SF3A1: variants seen among roughly 807,000 people sequenced by gnomAD.
SF3A1 encodes SAP 114.
SF3A1 carries 13 observed loss-of-function variants against 89.9 expected under a neutral mutation model. The ratio of observed to expected loss-of-function variants is 0.14; its 90% CI spans 0.09 to 0.23. SF3A1 has a LOEUF of 0.23. SF3A1 is among the 10% of genes least tolerant of loss of function. The pLI, the probability that SF3A1 is intolerant of heterozygous loss-of-function variation, is 1.00. For missense variants in SF3A1, 604 were observed against 1,022.1 expected (o/e 0.59, Z 5.58); for synonymous variants, 405 against 374.4 (o/e 1.08, Z -0.94).
chr22:30,342,741 G>T, intron 5 of SF3A1, 64 bp downstream of exon 5: 1 of 1,063,422 alleles, frequency 9.4e-7, no homozygotes, highest in Non-Finnish European at 1.5e-6. Context: ...CTCAGAGACT[G>T]TTTTCAGACA....
intron 2 of SF3A1, among the ~76,000 whole-genome samples, chr22:30,349,316 C>T (rs778593887): frequency 1.3e-5 from 2 of 152,166 alleles, no homozygotes; most frequent in South Asian, 2.1e-4. Flanking sequence ...AGTCTCGCTC[C>T]GTCACCCAGG....
At chr22:30,336,398 A>C (rs1836790809) in intron 13 of SF3A1, among the ~76,000 whole-genome samples, 1 of 152,154 alleles carries the variant, frequency 6.6e-6, no homozygotes, top group African/African-American at 2.4e-5. Flanking sequence ...TGTGGTGCAC[A>C]CCTGTAATCC....
intron 6 of SF3A1, 132 bp from the exon 7 acceptor site, chr22:30,342,017 C>A: frequency 6.0e-6 from 7 of 1,157,222 alleles, no homozygotes; most frequent in Non-Finnish European, 7.4e-6. Flanking sequence ...TAGGGTCTGG[C>A]AAGTACGTAT....
intron 2 of SF3A1, among the ~76,000 whole-genome samples, chr22:30,351,746 C>T (rs1931601417): frequency 1.3e-5 from 2 of 152,212 alleles, no homozygotes; most frequent in South Asian, 4.1e-4. Context: ...GATCTTCCCA[C>T]CTTGGGCTCC....
intron 11 of SF3A1, 51 bp from the exon 12 acceptor site, chr22:30,337,948 A>G: frequency 2.2e-6 from 3 of 1,353,130 alleles, no homozygotes; most frequent in Non-Finnish European, 3.1e-6. Context: ...TTGGACTCCA[A>G]GGTCACACAC....
At chr22:30,342,955 G>T in intron 4 of SF3A1, 76 bp from the exon 5 acceptor site, 1 of 914,496 alleles carries the variant, frequency 1.1e-6, no homozygotes, top group Non-Finnish European at 1.8e-6. Context: ...CTGGGCCTGT[G>T]ATAAAGCACA....
chr22:30,334,509 C>G lies in SF3A1; in HGVS notation c.*85G>C, dbSNP rs1931007233. The G allele has an allele frequency of 1.2e-6, 1 of 802,270 alleles. No homozygotes were observed. The highest frequency in any genetic ancestry group is 1.9e-5 in the South Asian group (1 of 53,548). 49.7% of individuals were successfully genotyped at this position (802,270 alleles called of 1,614,324 possible). Reference sequence around the variant, plus strand: ...AAACAAATATGCAGGCAAGGCAAAGCCTCAGGGGGGCTCCTGGGTCTGGGG... The same window carrying G: ...AAACAAATATGCAGGCAAGGCAAAGGCTCAGGGGGGCTCCTGGGTCTGGGG... On this transcript the variant is annotated 3_prime_UTR_variant, in exon 16 of 16. Coordinates refer to ENST00000215793, the MANE Select transcript of SF3A1 (RefSeq NM_005877.6).
At chr22:30,347,633 G>A (rs1931459509) in intron 2 of SF3A1, among the ~76,000 whole-genome samples, 1 of 152,142 alleles carries the variant, frequency 6.6e-6, no homozygotes, top group Admixed American at 6.5e-5. Context: ...TATTCAAAGT[G>A]CCACACTTAT....
chr22:30,338,637 TC>T (rs5844903), intron 11 of SF3A1, 151 bp downstream of exon 11: 194,315 of 924,932 alleles, frequency 0.21, 22,233 homozygotes, highest in Middle Eastern at 0.29. Flanking sequence ...AGAGAGAGGT[TC>T]CCACTTGCAT....
At chr22:30,345,662 A>C (rs1235783732) in intron 3 of SF3A1, among the ~76,000 whole-genome samples, 2 of 152,258 alleles carry the variant, frequency 1.3e-5, no homozygotes, top group African/African-American at 4.8e-5. Context: ...CTGAGGTCCT[A>C]GGCCTCATTG....
intron 2 of SF3A1, among the ~76,000 whole-genome samples, chr22:30,350,055 GCT>G (rs1314374049): frequency 6.6e-6 from 1 of 152,124 alleles, no homozygotes; most frequent in Admixed American, 6.6e-5. Flanking sequence ...TTTTAAGGAT[GCT>G]CTTTTAGCCA....
chr22:30,352,503 T>G (rs1931633000), intron 2 of SF3A1: 1 of 157,964 alleles, frequency 6.3e-6, no homozygotes, highest in Non-Finnish European at 1.4e-5. Context: ...CTGAACTGCA[T>G]GCAGCCCCAT....
chr22:30,340,255 A>T lies in SF3A1; in HGVS notation c.1316T>A (p.Leu439Gln). 1.2e-6 allele frequency: 2 copies of T among 1,611,608 alleles called. No individual in the cohort carries two copies. The highest frequency in any genetic ancestry group is 1.7e-6 in the Non-Finnish European group (2 of 1,179,144). ...MRIGLLDPRW[L>Q]EQRDRSIREK... ...ACGGATGGAGCGATCCCGCTGCTCC[A>T]GCCAGCGAGGGTCAAGAAGTCCAAT... Residue 439 changes from leucine (L) to glutamine (Q), a missense_variant, in exon 9 of 16, where the codon CTG becomes CAG. This residue lies in a region of SF3A1 where 146 missense variants were observed against 228.5 expected (regional missense o/e 0.64). Transcript: ENST00000215793.
chr22:30,346,364 G>A lies in SF3A1; in HGVS notation c.341C>T (p.Pro114Leu). Residue 114 changes from proline (P) to leucine (L), a missense_variant, in exon 3 of 16, where the codon CCC becomes CTC. This residue lies in a region of SF3A1 where 162 missense variants were observed against 229.2 expected (regional missense o/e 0.71). Transcript: ENST00000215793. Reference protein sequence around the residue: ...GKAQEPSAAIPKVMQQQQQTT... With the variant: ...GKAQEPSAAILKVMQQQQQTT... ...CTGCTGCTGCTGCTGCATGACCTTG[G>A]GGATGGCGGCGGACGGCTCCTGAGC... 6.2e-7 allele frequency: 1 copy of A among 1,613,974 alleles called. No individual in the cohort carries two copies. The highest frequency in any genetic ancestry group is 2.2e-5 in the East Asian group (1 of 44,886).
chr22:30,335,552 C>G lies in SF3A1; in HGVS notation c.2209-14G>C. ...AATGACAGAGACCTGTGGGATCAAG[C>G]AGCGGTCATTCAACTCCTTGGTAAG... On this transcript the variant is annotated splice_polypyrimidine_tract_variant and intron_variant, in intron 14 of 15. Coordinates refer to ENST00000215793, the MANE Select transcript of SF3A1 (RefSeq NM_005877.6). 1 of 1,614,124 alleles carries G rather than the reference C, an allele frequency of 6.2e-7. No individual in the cohort carries two copies. The highest frequency in any genetic ancestry group is 8.5e-7 in the Non-Finnish European group (1 of 1,179,944).
In SF3A1 at chr22:30,342,823, G is replaced by C. The variant is rs751595924; in HGVS notation, c.708C>G (p.Pro236=). 2 of 1,611,630 alleles carry C rather than the reference G, an allele frequency of 1.2e-6. No individual in the cohort carries two copies. Among genetic ancestry groups the C allele is most frequent in the Non-Finnish European group, 1.7e-6 (2 of 1,178,368 alleles). Residue 236 remains proline (P), a synonymous_variant, in exon 5 of 16, where the codon CCC becomes CCG. Coordinates refer to ENST00000215793, the MANE Select transcript of SF3A1 (RefSeq NM_005877.6). ...AGTTTACCTGATCCAAAACTTCTCG[G>C]GGGTTTTCAGCCTCTTTCTTGAGCT... ...FSKLKKEAEN[P]REVLDQVCYR... is the part of the protein sequence containing the mutation.
rs1307262183 is a variant in SF3A1, at chr22:30,334,169, T to C, written c.*425A>G. The C allele has an allele frequency of 1.2e-5, 2 of 163,962 alleles. No individual in the cohort carries two copies. The highest frequency in any genetic ancestry group is 2.6e-5 in the Non-Finnish European group (2 of 76,300). 10.2% of individuals were successfully genotyped at this position (163,962 alleles called of 1,614,324 possible). ...GCACAGGTGACCGAGACAAGTCTTA[T>C]TTAACTGATTTCACAAGAAGGGTCC... On this transcript the variant is annotated 3_prime_UTR_variant, in exon 16 of 16. Transcript: ENST00000215793.
chr22:30,338,769 C>T lies in SF3A1; in HGVS notation c.1743+20G>A. On this transcript the variant is annotated intron_variant, in intron 11 of 15. Transcript: ENST00000215793. ...AATGAAGCTCTAAAAAAGTCAGTTC[C>T]AGGGTAGATGCTGGCTTACTGTGGG... The T allele has an allele frequency of 6.2e-7, 1 of 1,613,592 alleles. No homozygotes were observed. Among genetic ancestry groups the T allele is most frequent in the Non-Finnish European group, 8.5e-7 (1 of 1,179,908 alleles).
At chr22:30,339,578 A>G (rs1471168951) in intron 9 of SF3A1, among the ~76,000 whole-genome samples, 1 of 152,192 alleles carries the variant, frequency 6.6e-6, no homozygotes, top group African/African-American at 2.4e-5. Context: ...CAACATAGCG[A>G]AACCCCGTCT....
Sources: gnomAD v4.1 joint callset for allele counts (sites outside exome capture counted in the v4.1 genomes callset) on GRCh38, gnomAD v4.1.1 for gene constraint, gnomAD v4.1.1 regional missense constraint, MANE v1.5 for transcripts, NCBI Gene and HGNC (gene_info 2026-07-23, HGNC 2026-07-21) for gene names.